The following ADK variants were observed in gnomAD, a reference collection of about 807,000 sequenced individuals.
ADK encodes N6,N6-dimethyladenosine kinase.
A neutral mutation model predicts 44.7 loss-of-function variants in ADK; 24 were observed. That is an observed-to-expected ratio of 0.54 (90% CI 0.39 to 0.76). The LOEUF (loss-of-function observed/expected upper bound fraction) is 0.76, where lower values mean the gene tolerates loss of function less well. Ranked by LOEUF, ADK falls within the 30% of genes least tolerant of loss-of-function variation. ADK has a pLI of 0.00. For missense variants in ADK, 321 were observed against 425.1 expected (o/e 0.76, Z 2.15); for synonymous variants, 128 against 142.6 (o/e 0.90, Z 0.73).
chr10:74,653,742 G>A lies in ADK; in HGVS notation c.878-16441G>A, dbSNP rs148863646. Among the ~76,000 whole-genome samples the A allele has an allele frequency of 4.5e-3, 679 of 152,306 alleles. 6 individuals carry two copies. The highest frequency in any genetic ancestry group is 7.4e-3 in the Admixed American group (113 of 15,294). ...TGGTTGTTTACTGGTGTTTATTGCT[G>A]TATTCCAAGTAGACAAGTAATCTGT... On this transcript the variant is annotated intron_variant, in intron 9 of 10. Coordinates refer to ENST00000539909, the MANE Select transcript of ADK (RefSeq NM_006721.4).
chr10:74,360,612 G>C (rs1842302817), intron 4 of ADK, among the ~76,000 whole-genome samples: 1 of 151,032 alleles, frequency 6.6e-6, no homozygotes, highest in African/African-American at 2.4e-5. Flanking sequence ...TATATATTTG[G>C]GTACACCAAT....
chr10:74,540,398 T>C (rs1849586566), intron 7 of ADK, among the ~76,000 whole-genome samples: 1 of 152,002 alleles, frequency 6.6e-6, no homozygotes, highest in Admixed American at 6.6e-5. Flanking sequence ...TTGTATAGTA[T>C]GCCATAATAT....
intron 7 of ADK, among the ~76,000 whole-genome samples, chr10:74,582,220 A>G (rs1244644934): frequency 2.0e-5 from 3 of 152,118 alleles, no homozygotes; most frequent in Non-Finnish European, 2.9e-5. Flanking sequence ...ACTGTTTGGG[A>G]GGCTGAGGTG....
intron 3 of ADK, among the ~76,000 whole-genome samples, chr10:74,256,473 AT>A (rs903604757): frequency 6.0e-5 from 9 of 149,870 alleles, no homozygotes; most frequent in African/African-American, 1.5e-4. Context: ...TGAGGTAAAC[AT>A]TTTTTTTTTG....
chr10:74,177,654 A>G (rs1842391305), intron 1 of ADK, among the ~76,000 whole-genome samples: 1 of 152,004 alleles, frequency 6.6e-6, no homozygotes, highest in South Asian at 2.1e-4. Flanking sequence ...TGCCTTATAT[A>G]CCCAGTGTTC....
At chr10:74,318,574 A>G (rs534016852) in intron 4 of ADK, among the ~76,000 whole-genome samples, 1 of 152,374 alleles carries the variant, frequency 6.6e-6, no homozygotes, top group South Asian at 2.1e-4. Flanking sequence ...CTAAAACTGT[A>G]ACTTACTTGG....
At chr10:74,214,228 A>G (rs1843933767) in intron 2 of ADK, among the ~76,000 whole-genome samples, 1 of 152,144 alleles carries the variant, frequency 6.6e-6, no homozygotes, top group African/African-American at 2.4e-5. Context: ...TTAGTCTCAA[A>G]CATTGTTGTA....
intron 3 of ADK, among the ~76,000 whole-genome samples, chr10:74,250,933 G>A (rs574695764): frequency 2.6e-5 from 4 of 152,050 alleles, no homozygotes; most frequent in Non-Finnish European, 5.9e-5. Context: ...GTAGAGACAA[G>A]GTCTCATTAT....
chr10:74,308,631 T>G (rs1297306920), intron 3 of ADK, among the ~76,000 whole-genome samples: 2 of 152,238 alleles, frequency 1.3e-5, no homozygotes, highest in Non-Finnish European at 1.5e-5. Flanking sequence ...AGGAATAACT[T>G]CATCAGAAAT....
At chr10:74,303,614 T>TTTTTTTTTTTTA (rs1306277607) in intron 3 of ADK, among the ~76,000 whole-genome samples, 1 of 138,680 alleles carries the variant, frequency 7.2e-6, no homozygotes. Flanking sequence ...TTTTTTTTTT[T>TTTTTTTTTTTTA]GCTAGAAAGG....
intron 4 of ADK, chr10:74,371,661 A>G (rs1034358916): frequency 6.6e-5 from 68 of 1,028,694 alleles, no homozygotes; most frequent in Non-Finnish European, 8.3e-5. Context: ...TATAAGGAAA[A>G]GTGATGGCAT....
rs1844454460 is a variant in ADK, at chr10:74,224,537, G to A, written c.141-1G>A. ...GTGTAATTTTCGTTTCTGTTATACA[G>A]GTATTCTCTGAAACCAAATGACCAA... On this transcript the variant is annotated splice_acceptor_variant, in intron 2 of 10. Coordinates refer to ENST00000539909, the MANE Select transcript of ADK (RefSeq NM_006721.4). LOFTEE classifies it high-confidence loss of function. 1 of 1,613,180 alleles carries A rather than the reference G, an allele frequency of 6.2e-7. No homozygotes were observed. Among genetic ancestry groups the A allele is most frequent in the Non-Finnish European group, 8.5e-7 (1 of 1,179,380 alleles).
chr10:74,454,011 G>A (rs1845859346), intron 6 of ADK, among the ~76,000 whole-genome samples: 2 of 152,064 alleles, frequency 1.3e-5, no homozygotes, highest in Admixed American at 1.3e-4. Flanking sequence ...GCTAACAGAT[G>A]TCCATGATAT....
rs181808031 is a variant in ADK at position 74,620,783 on chromosome 10, A to C, written c.877+20290A>C. ...ACTGGTTTTGATTTGCATTTTCCTG[A>C]TGATTAGTGATAATGAGCTTTTTTC... On this transcript the variant is annotated intron_variant, in intron 9 of 10. Transcript: ENST00000539909. 5.7e-3 allele frequency among the ~76,000 whole-genome samples: 868 copies of C among 151,928 alleles called. 2 individuals carry two copies. The highest frequency in any genetic ancestry group is 0.02 in the Middle Eastern group (6 of 294).
chr10:74,525,128 A>G (rs948004303), intron 6 of ADK, 128 bp from the exon 7 acceptor site: 70 of 894,796 alleles, frequency 7.8e-5, no homozygotes, highest in Non-Finnish European at 1.2e-4. Flanking sequence ...AAATGTTGCT[A>G]TTTTCTGCCT....
At chr10:74,618,820 T>C (rs1268958563) in intron 9 of ADK, among the ~76,000 whole-genome samples, 1 of 152,196 alleles carries the variant, frequency 6.6e-6, no homozygotes, top group African/African-American at 2.4e-5. Flanking sequence ...AACTTTATCC[T>C]TAGTTCTGGT....
At chr10:74,621,942 T>A (rs1263803661) in intron 9 of ADK, among the ~76,000 whole-genome samples, 5 of 152,202 alleles carry the variant, frequency 3.3e-5, no homozygotes, top group African/African-American at 1.2e-4. Flanking sequence ...ATGAGATCCC[T>A]ACTCATTAAT....
At chr10:74,683,999 T>G (rs1855706190) in intron 10 of ADK, among the ~76,000 whole-genome samples, 1 of 152,224 alleles carries the variant, frequency 6.6e-6, no homozygotes, top group African/African-American at 2.4e-5. Flanking sequence ...TAAACGTGTT[T>G]ACTCAAACAG....
chr10:74,589,780 G>A (rs1419840436), intron 8 of ADK, among the ~76,000 whole-genome samples: 1 of 152,060 alleles, frequency 6.6e-6, no homozygotes, highest in East Asian at 1.9e-4. Context: ...ATTTCTAAAA[G>A]GTTGTACTTA....
Sources: allele counts gnomAD v4.1 joint callset (sites outside exome capture counted in the v4.1 genomes callset), GRCh38; gene constraint gnomAD v4.1.1; transcripts MANE v1.5; gene names NCBI Gene and HGNC (gene_info 2026-07-23, HGNC 2026-07-21).